Variants in LYPLA1 observed in about 807,000 individuals in gnomAD.
LYPLA1 encodes the protein acyl-protein thioesterase 1.
A neutral mutation model predicts 34.0 loss-of-function variants in LYPLA1; 17 were observed. The observed-to-expected ratio is 0.50, with a 90% CI of 0.34 to 0.75. The LOEUF (loss-of-function observed/expected upper bound fraction) is 0.75. LYPLA1 is among the 30% of genes least tolerant of loss of function. The probability of loss-of-function intolerance (pLI) is 0.01; values close to 1 mark genes in which losing one functional copy is unlikely to be tolerated. For missense variants in LYPLA1, 203 were observed against 288.8 expected (o/e 0.70, Z 2.15); for synonymous variants, 98 against 100.8 (o/e 0.97, Z 0.17).
At chr8:54,091,465 C>T (rs902385018) in intron 2 of LYPLA1, among the ~76,000 whole-genome samples, 24 of 146,620 alleles carry the variant, frequency 1.6e-4, no homozygotes, top group African/African-American at 4.6e-4. Flanking sequence ...CTAGCCTGGG[C>T]AACAAGAGCA....
Position 54,089,083 on chromosome 8 carries a change from A to G in LYPLA1, c.101+11825T>C, listed in dbSNP as rs575718331. On this transcript the variant is annotated intron_variant, in intron 2 of 8. Transcript: ENST00000316963. ...AGGGGAATAAGTAGTCTGCAGATGA[A>G]TGTTGGGTTTCTTTTGGGGATGTTG... Among the ~76,000 whole-genome samples the G allele has an allele frequency of 1.1e-4, 16 of 152,344 alleles. No individual in the cohort carries two copies. In the East Asian group the frequency reaches 2.9e-3, roughly 28 times the overall value.
intron 6 of LYPLA1, chr8:54,053,783 T>C: frequency 2.2e-6 from 1 of 455,090 alleles, no homozygotes; most frequent in South Asian, 1.6e-5. Flanking sequence ...AGATGAGAGA[T>C]GGTGAGCAAG....
At chr8:54,094,541 G>A (rs1370949164) in intron 2 of LYPLA1, among the ~76,000 whole-genome samples, 1 of 152,154 alleles carries the variant, frequency 6.6e-6, no homozygotes, top group South Asian at 2.1e-4. Context: ...ATAAACTCAA[G>A]ATTTTGAATA....
At chr8:54,074,960 C>G (rs1044573354) in intron 2 of LYPLA1, among the ~76,000 whole-genome samples, 2 of 152,128 alleles carry the variant, frequency 1.3e-5, no homozygotes, top group Non-Finnish European at 2.9e-5. Context: ...AGGTAATGCC[C>G]CAGGCTATAC....
rs1229711827 is a variant in LYPLA1, at chr8:54,047,204, T to C, written c.*861A>G. 1 of 152,182 alleles carries C rather than the reference T, an allele frequency of 6.6e-6. No homozygotes were observed. Among genetic ancestry groups the C allele is most frequent in the East Asian group, 1.9e-4 (1 of 5,202 alleles). 9.4% of individuals were successfully genotyped at this position (152,182 alleles called of 1,614,324 possible). A position where few individuals can be genotyped will look rare whatever the true frequency, so the allele number is the denominator to read the frequency against. On this transcript the variant is annotated 3_prime_UTR_variant, in exon 9 of 9. Coordinates refer to ENST00000316963, the MANE Select transcript of LYPLA1 (RefSeq NM_006330.4). Reference sequence around the variant, plus strand: ...AAGATCCTAATAGCTAGGTGTAAATTTGGATAAGGTACAGTAATTCGAAAT... The same window carrying C: ...AAGATCCTAATAGCTAGGTGTAAATCTGGATAAGGTACAGTAATTCGAAAT...
intron 7 of LYPLA1, 85 bp downstream of exon 7, chr8:54,052,570 A>G (rs1805918297): frequency 1.2e-6 from 1 of 848,536 alleles, no homozygotes; most frequent in Non-Finnish European, 1.9e-6. Flanking sequence ...ATTAATAAAA[A>G]AAAATAAGAT....
chr8:54,048,487 T>C (rs1805623164), intron 8 of LYPLA1, among the ~76,000 whole-genome samples: 1 of 152,158 alleles, frequency 6.6e-6, no homozygotes, highest in Non-Finnish European at 1.5e-5. Context: ...CTACCATTCT[T>C]CAAACTGAAT....
At chr8:54,084,506 G>A (rs1174050844) in intron 2 of LYPLA1, among the ~76,000 whole-genome samples, 1 of 152,004 alleles carries the variant, frequency 6.6e-6, no homozygotes, top group African/African-American at 2.4e-5. Flanking sequence ...GGGAGGCGGA[G>A]GTAGCAGTGA....
intron 2 of LYPLA1, among the ~76,000 whole-genome samples, chr8:54,089,906 C>T (rs571814117): frequency 1.9e-4 from 29 of 152,050 alleles, no homozygotes; most frequent in Non-Finnish European, 3.1e-4. Context: ...ACTATTGCTA[C>T]GGAATAAAAG....
intron 2 of LYPLA1, among the ~76,000 whole-genome samples, chr8:54,083,764 C>T (rs1586154669): frequency 1.3e-5 from 2 of 152,100 alleles, no homozygotes; most frequent in African/African-American, 2.4e-5. Flanking sequence ...AGTAAAAACA[C>T]GCAGCAGCGA....
chr8:54,063,744 A>G (rs528968994), intron 3 of LYPLA1, among the ~76,000 whole-genome samples: 1 of 152,360 alleles, frequency 6.6e-6, no homozygotes, highest in African/African-American at 2.4e-5. Flanking sequence ...GATTTATTAC[A>G]CTGATACTGT....
At chr8:54,052,581 GA>G in intron 7 of LYPLA1, 73 bp downstream of exon 7, 1 of 900,132 alleles carries the variant, frequency 1.1e-6, no homozygotes, top group African/African-American at 1.7e-5. Flanking sequence ...AAAATAAGAT[GA>G]CTTTATCTCC....
chr8:54,046,109 C>T (rs1233393281), downstream of LYPLA1, among the ~76,000 whole-genome samples: 2 of 151,916 alleles, frequency 1.3e-5, no homozygotes, highest in African/African-American at 4.8e-5. Context: ...AAGAAAAAGA[C>T]AAAAGATAAA....
chr8:54,093,634 G>A (rs1809472558), intron 2 of LYPLA1, among the ~76,000 whole-genome samples: 4 of 152,154 alleles, frequency 2.6e-5, no homozygotes, highest in Admixed American at 2.0e-4. Flanking sequence ...GCAGCCTTAG[G>A]AAACTAATAC....
At chr8:54,056,456 G>C (rs779328748) in intron 5 of LYPLA1, among the ~76,000 whole-genome samples, 5 of 152,134 alleles carry the variant, frequency 3.3e-5, no homozygotes, top group Admixed American at 6.5e-5. Flanking sequence ...ATCACATCAA[G>C]TTAAAAAGCT....
At chr8:54,051,847 C>CTT (rs757045729) in intron 7 of LYPLA1, among the ~76,000 whole-genome samples, 5 of 130,424 alleles carry the variant, frequency 3.8e-5, no homozygotes, top group East Asian at 4.6e-4. Flanking sequence ...ATTCAGCTAT[C>CTT]TTTTTTTTTT....
intron 1 of LYPLA1, chr8:54,101,357 G>A (rs1810131643): frequency 9.5e-7 from 1 of 1,057,588 alleles, no homozygotes. Context: ...GACCTTGTAG[G>A]ACACTCAATC....
intron 2 of LYPLA1, among the ~76,000 whole-genome samples, chr8:54,098,247 A>C (rs72614666): frequency 0.33 from 50,605 of 151,760 alleles, 11,297 homozygotes; most frequent in East Asian, 0.74. Flanking sequence ...AACAATACCA[A>C]AACAGTTGAC....
At chr8:54,051,654 T>A (rs1017770473) in intron 7 of LYPLA1, among the ~76,000 whole-genome samples, 2 of 152,092 alleles carry the variant, frequency 1.3e-5, no homozygotes, top group African/African-American at 4.8e-5. Context: ...TTTCACTGTG[T>A]TACCCAGGAT....
Sources: allele counts gnomAD v4.1 joint callset (sites outside exome capture counted in the v4.1 genomes callset), GRCh38; gene constraint gnomAD v4.1.1; transcripts MANE v1.5; gene names NCBI Gene and HGNC (gene_info 2026-07-23, HGNC 2026-07-21).